The following CADM2 variants were observed in gnomAD, a reference collection of about 807,000 sequenced individuals.
CADM2 encodes immunoglobulin superfamily member 4D.
CADM2 carries 12 observed loss-of-function variants against 49.8 expected under a neutral mutation model. The ratio of observed to expected loss-of-function variants is 0.24; its 90% CI spans 0.15 to 0.39. The LOEUF (loss-of-function observed/expected upper bound fraction) is 0.39. CADM2 is among the 10% of genes least tolerant of loss of function. The probability of loss-of-function intolerance (pLI) is 1.00; values close to 1 mark genes in which losing one functional copy is unlikely to be tolerated. For synonymous variants in CADM2, 214 were observed against 175.4 expected, an observed-to-expected ratio of 1.22 and a Z score of -1.74; for missense variants, 378 against 492.3, an observed-to-expected ratio of 0.77 and a Z score of 2.20.
At chr3:85,964,791 A>G (rs1204043701) in intron 8 of CADM2, among the ~76,000 whole-genome samples, 2 of 151,824 alleles carry the variant, frequency 1.3e-5, no homozygotes, top group Middle Eastern at 6.3e-3. Context: ...GGAAAAATTT[A>G]TCTGTTAAAT....
chr3:85,698,510 G>T (rs551488292), intron 1 of CADM2, among the ~76,000 whole-genome samples: 1 of 152,224 alleles, frequency 6.6e-6, no homozygotes, highest in African/African-American at 2.4e-5. Context: ...TTCTGCTTCT[G>T]GGGAAGCCTC....
intron 1 of CADM2, among the ~76,000 whole-genome samples, chr3:85,210,211 A>G (rs559748569): frequency 1.3e-5 from 2 of 152,256 alleles, no homozygotes; most frequent in South Asian, 2.1e-4. Context: ...TTATCAAACT[A>G]TTTTTAGCAT....
At chr3:85,292,889 C>A (rs941329688) in intron 1 of CADM2, among the ~76,000 whole-genome samples, 5 of 151,890 alleles carry the variant, frequency 3.3e-5, no homozygotes, top group African/African-American at 1.2e-4. Context: ...ACTAGAAAAG[C>A]AAGAGCAAAC....
intron 1 of CADM2, among the ~76,000 whole-genome samples, chr3:85,315,917 G>A (rs1441390641): frequency 3.9e-5 from 6 of 151,910 alleles, no homozygotes; most frequent in East Asian, 3.9e-4. Flanking sequence ...GCATACACAC[G>A]CCTATGTGTA....
At chr3:85,832,444 A>G (rs887753066) in intron 3 of CADM2, among the ~76,000 whole-genome samples, 2 of 151,976 alleles carry the variant, frequency 1.3e-5, no homozygotes, top group Non-Finnish European at 2.9e-5. Flanking sequence ...CTTCCAATTC[A>G]TGAGCATGGG....
At chr3:85,799,323 G>A (rs1284982708) in intron 2 of CADM2, among the ~76,000 whole-genome samples, 2 of 152,196 alleles carry the variant, frequency 1.3e-5, no homozygotes, top group African/African-American at 2.4e-5. Context: ...TAGGAGTGGT[G>A]AGAGAGGGCA....
At chr3:85,721,303 T>C (rs2067494763) in intron 1 of CADM2, among the ~76,000 whole-genome samples, 1 of 152,196 alleles carries the variant, frequency 6.6e-6, no homozygotes, top group East Asian at 1.9e-4. Context: ...GGGAAACATC[T>C]AATATATCTG....
At chr3:85,452,527 T>A (rs996701373) in intron 1 of CADM2, among the ~76,000 whole-genome samples, 3 of 152,048 alleles carry the variant, frequency 2.0e-5, no homozygotes, top group African/African-American at 7.2e-5. Context: ...TGTTTTCCAA[T>A]AACTTTAACA....
chr3:85,639,233 T>G (rs1031856316), intron 1 of CADM2, among the ~76,000 whole-genome samples: 2 of 152,242 alleles, frequency 1.3e-5, no homozygotes, highest in Non-Finnish European at 2.9e-5. Context: ...TTACTTTTAT[T>G]AAAATATCAT....
At chr3:85,589,524 G>T (rs560409037) in intron 1 of CADM2, among the ~76,000 whole-genome samples, 1 of 151,928 alleles carries the variant, frequency 6.6e-6, no homozygotes, top group South Asian at 2.1e-4. Flanking sequence ...TGCTTCATTA[G>T]TATCCTGTAG....
chr3:85,665,792 G>C (rs2065546305), intron 1 of CADM2, among the ~76,000 whole-genome samples: 1 of 151,924 alleles, frequency 6.6e-6, no homozygotes, highest in Non-Finnish European at 1.5e-5. Flanking sequence ...CACACTGGCT[G>C]TAATATGATT....
intron 8 of CADM2, among the ~76,000 whole-genome samples, chr3:85,970,775 G>A (rs1003326220): frequency 6.6e-6 from 1 of 151,552 alleles, no homozygotes. Flanking sequence ...CCTCAAAAAT[G>A]TTGGTTCAGG....
At chr3:85,693,323 G>A (rs2066443384) in intron 1 of CADM2, among the ~76,000 whole-genome samples, 1 of 152,076 alleles carries the variant, frequency 6.6e-6, no homozygotes, top group Admixed American at 6.5e-5. Context: ...GCTCACGCCT[G>A]TAATCTTAGC....
chr3:85,180,188 A>G (rs752443900), intron 1 of CADM2, among the ~76,000 whole-genome samples: 5 of 152,100 alleles, frequency 3.3e-5, no homozygotes, highest in Non-Finnish European at 7.4e-5. Context: ...AAGAAATTAC[A>G]GAATTGGCAA....
intron 7 of CADM2, among the ~76,000 whole-genome samples, chr3:85,957,988 C>T (rs867422587): frequency 6.6e-6 from 1 of 151,940 alleles, no homozygotes; most frequent in Non-Finnish European, 1.5e-5. Flanking sequence ...GCAAAAAATA[C>T]TATCATCAGA....
At chr3:85,075,173 CT>C (rs1226379291) in intron 1 of CADM2, among the ~76,000 whole-genome samples, 1 of 151,282 alleles carries the variant, frequency 6.6e-6, no homozygotes, top group East Asian at 1.9e-4. Flanking sequence ...ACATGTGCCT[CT>C]CAAAACATTA....
intron 1 of CADM2, among the ~76,000 whole-genome samples, chr3:85,548,054 C>G (rs1477780243): frequency 6.6e-6 from 1 of 151,744 alleles, no homozygotes; most frequent in South Asian, 2.1e-4. Context: ...AACTAGCCTC[C>G]GTCACTTACT....
intron 8 of CADM2, among the ~76,000 whole-genome samples, chr3:85,978,565 C>G (rs2324974): frequency 0.16 from 24,979 of 151,464 alleles, 2,087 homozygotes; most frequent in South Asian, 0.24. Flanking sequence ...AATTGCAAGA[C>G]TCTAAACTGT....
chr3:85,895,747 G>A (rs1304400860), intron 5 of CADM2, among the ~76,000 whole-genome samples: 3 of 152,072 alleles, frequency 2.0e-5, no homozygotes, highest in Non-Finnish European at 4.4e-5. Flanking sequence ...GAGATCTGAT[G>A]GTTATATAAA....
Sources: allele counts gnomAD v4.1 joint callset (sites outside exome capture counted in the v4.1 genomes callset), GRCh38; gene constraint gnomAD v4.1.1; transcripts MANE v1.5; gene names NCBI Gene and HGNC (gene_info 2026-07-23, HGNC 2026-07-21).